The following ARHGAP18 variants were observed in gnomAD, a reference collection of about 807,000 sequenced individuals.
ARHGAP18 encodes Rho GTPase activating protein 18, also known as rho GTPase-activating protein 18.
Under a neutral mutation model 86.2 loss-of-function variants are expected in ARHGAP18, and 67 were observed. The ratio of observed to expected loss-of-function variants is 0.78; its 90% CI spans 0.64 to 0.95. The LOEUF (loss-of-function observed/expected upper bound fraction) is 0.95. Among genes scored for constraint, ARHGAP18 ranks in the 40% least tolerant of loss-of-function variants. The pLI is 0.00. For missense variants in ARHGAP18, 691 were observed against 780.4 expected, an observed-to-expected ratio of 0.89 and a Z score of 1.37; for synonymous variants, 283 against 280.4, an observed-to-expected ratio of 1.01 and a Z score of -0.09.
intron 1 of ARHGAP18, among the ~76,000 whole-genome samples, chr6:129,679,626 C>T (rs1049682176): frequency 2.0e-5 from 3 of 152,194 alleles, no homozygotes; most frequent in Admixed American, 2.0e-4. Context: ...CTAAGCCTGG[C>T]TTGTAGTAAA....
chr6:129,700,815 G>A (rs1254551268), intron 1 of ARHGAP18, among the ~76,000 whole-genome samples: 2 of 152,120 alleles, frequency 1.3e-5, no homozygotes, highest in Non-Finnish European at 2.9e-5. Context: ...AAATAGCCCA[G>A]AGTCACAAGC....
chr6:129,680,309 A>G (rs1412075005), intron 1 of ARHGAP18, among the ~76,000 whole-genome samples: 1 of 152,238 alleles, frequency 6.6e-6, no homozygotes, highest in Admixed American at 6.5e-5. Context: ...GTTCTGCTCC[A>G]AACATATCTG....
rs114556079 is a variant in ARHGAP18 at position 129,600,534 on chromosome 6, T to C, written c.1572+108A>G. The C allele has an allele frequency of 1.9e-3, 1,682 of 887,244 alleles. 20 individuals carry two copies. The African/African-American group carries it at 0.026, about 14-fold the overall frequency. The allele number at this position is 887,244 out of a possible 1,614,324, so 55.0% of individuals were successfully genotyped here. On this transcript the variant is annotated intron_variant, in intron 11 of 14. Coordinates refer to ENST00000368149, the MANE Select transcript of ARHGAP18 (RefSeq NM_033515.3). Reference sequence around the variant, plus strand: ...CTTACCTATATGAATAAAATGTTTTTAATATTTTCTGCACTCACAAATTTT... The same window carrying C: ...CTTACCTATATGAATAAAATGTTTTCAATATTTTCTGCACTCACAAATTTT...
intron 8 of ARHGAP18, among the ~76,000 whole-genome samples, chr6:129,610,314 T>C (rs1416871675): frequency 6.6e-6 from 1 of 152,190 alleles, no homozygotes; most frequent in Admixed American, 6.5e-5. Context: ...ATGCATTCAT[T>C]GGAAGCTTTA....
intron 3 of ARHGAP18, among the ~76,000 whole-genome samples, chr6:129,637,265 A>G (rs796961132): frequency 7.2e-5 from 11 of 152,114 alleles, no homozygotes; most frequent in African/African-American, 2.7e-4. Flanking sequence ...GGGTTTTGCT[A>G]TGTTGCCCAG....
chr6:129,639,372 T>G (rs1773398998), intron 2 of ARHGAP18, among the ~76,000 whole-genome samples: 1 of 152,170 alleles, frequency 6.6e-6, no homozygotes, highest in Non-Finnish European at 1.5e-5. Flanking sequence ...ATCATATTTA[T>G]AGAGGAAAAT....
At chr6:129,615,372 T>C (rs1334063259) in intron 7 of ARHGAP18, among the ~76,000 whole-genome samples, 1 of 152,044 alleles carries the variant, frequency 6.6e-6, no homozygotes, top group Admixed American at 6.6e-5. Flanking sequence ...TTGAATGTAG[T>C]GGTAGATATG....
intron 1 of ARHGAP18, among the ~76,000 whole-genome samples, chr6:129,680,851 T>C (rs1312240391): frequency 6.6e-6 from 1 of 152,226 alleles, no homozygotes; most frequent in African/African-American, 2.4e-5. Flanking sequence ...TGTATGGACC[T>C]CAGGGCTCCA....
rs1395625559 is a variant in ARHGAP18, at chr6:129,600,633, T to C, written c.1572+9A>G. Reference sequence around the variant, plus strand: ...ACTACTAAGACCAAAGCATATGATATATACTTACTGTCCACAGAAGTTTTT... The same window carrying C: ...ACTACTAAGACCAAAGCATATGATACATACTTACTGTCCACAGAAGTTTTT... On this transcript the variant is annotated intron_variant, in intron 11 of 14. Transcript: ENST00000368149. 5 of 1,610,168 alleles carry C rather than the reference T, an allele frequency of 3.1e-6. No homozygotes were observed. The highest frequency in any genetic ancestry group is 3.4e-6 in the Non-Finnish European group (4 of 1,176,990).
In ARHGAP18 at chr6:129,625,404, T is replaced by TTATGTATTATATATAA. The variant is rs1789376462; in HGVS notation, c.786+3948_786+3949insTTATATATAATACATA. On this transcript the variant is annotated intron_variant, in intron 5 of 14. Transcript: ENST00000368149. Reference sequence around the variant, plus strand: ...TATATTATATATTTATACATATGTATTATATATTATATATAATATATATTA... The same window carrying TTATGTATTATATATAA: ...TATATTATATATTTATACATATGTATTATGTATTATATATAATATATATTATATATAATATATATTA... 2.1e-4 allele frequency among the ~76,000 whole-genome samples: 10 copies of TTATGTATTATATATAA among 47,516 alleles called. 1 individual carries two copies. Among genetic ancestry groups the TTATGTATTATATATAA allele is most frequent in the Non-Finnish European group, 2.4e-4 (7 of 29,666 alleles). The allele number at this position is 47,516 out of a possible 152,430, so 31.2% of individuals were successfully genotyped here. A position where few individuals can be genotyped will look rare whatever the true frequency, so the allele number is the denominator to read the frequency against.
chr6:129,651,557 G>A (rs1484890401), intron 1 of ARHGAP18, among the ~76,000 whole-genome samples: 1 of 152,090 alleles, frequency 6.6e-6, no homozygotes. Context: ...CACCAGTGAT[G>A]GGTGGAATTT....
chr6:129,685,819 A>T (rs979231754), intron 1 of ARHGAP18, among the ~76,000 whole-genome samples: 5 of 152,138 alleles, frequency 3.3e-5, no homozygotes, highest in African/African-American at 1.2e-4. Context: ...AATTTAGTTA[A>T]TACTTGAGTT....
In ARHGAP18 at chr6:129,616,263, T is replaced by C; in HGVS notation, c.993A>G (p.Glu331=). Reference sequence around the variant, plus strand: ...TTCCTGGTACTTTCCTCTGATCTTGTTCTAATAGCGCTGTCAATGGAACGC... The same window carrying C: ...TTCCTGGTACTTTCCTCTGATCTTGCTCTAATAGCGCTGTCAATGGAACGC... ...LFCVPLTALL[E]QDQRKVPGMR... The change falls in exon 7 of 15, where the codon GAA becomes GAG. Residue 331 remains glutamate (E), a synonymous_variant. Coordinates refer to ENST00000368149, the MANE Select transcript of ARHGAP18 (RefSeq NM_033515.3). The C allele has an allele frequency of 6.2e-7, 1 of 1,611,566 alleles. No individual in the cohort carries two copies. Among genetic ancestry groups the C allele is most frequent in the Non-Finnish European group, 8.5e-7 (1 of 1,178,646 alleles).
Position 129,625,359 on chromosome 6 carries a change from A to ATATATATTTATATATATTATATAT in ARHGAP18, c.786+3993_786+3994insATATATAATATATATAAATATATA, listed in dbSNP as rs1562697042. 1.7e-3 allele frequency among the ~76,000 whole-genome samples: 108 copies of ATATATATTTATATATATTATATAT among 64,482 alleles called. 33 individuals carry two copies. Among genetic ancestry groups the ATATATATTTATATATATTATATAT allele is most frequent in the African/African-American group, 9.7e-3 (103 of 10,632 alleles). 42.3% of individuals were successfully genotyped at this position (64,482 alleles called of 152,430 possible). A position where few individuals can be genotyped will look rare whatever the true frequency, so the allele number is the denominator to read the frequency against. On this transcript the variant is annotated intron_variant, in intron 5 of 14. Transcript: ENST00000368149. ...TATATATTTATATGTAATATATATT[A>ATATATATTTATATATATTATATAT]TGTATATTTATATATATTATATATT...
intron 1 of ARHGAP18, among the ~76,000 whole-genome samples, chr6:129,643,651 A>AT (rs1773515834): frequency 6.6e-6 from 1 of 151,824 alleles, no homozygotes; most frequent in African/African-American, 2.4e-5. Context: ...TGCTATTCTA[A>AT]TTTTCAGATT....
At chr6:129,615,271 A>C (rs372313322) in intron 7 of ARHGAP18, among the ~76,000 whole-genome samples, 11 of 152,322 alleles carry the variant, frequency 7.2e-5, no homozygotes, top group East Asian at 3.9e-4. Flanking sequence ...CTCCATAGAT[A>C]CATGTTCTGC....
In ARHGAP18 at chr6:129,588,690, G is replaced by A. The variant is rs540600251; in HGVS notation, c.1714-4578C>T. ...GCTCCACTAGGCAGTGTCCCAGTGG[G>A]GACTCTGTGTGGGGGCTCCAACCCC... On this transcript the variant is annotated intron_variant, in intron 12 of 14. Coordinates refer to ENST00000368149, the MANE Select transcript of ARHGAP18 (RefSeq NM_033515.3). Among the ~76,000 whole-genome samples, 3 of 152,312 alleles carry A rather than the reference G, an allele frequency of 2.0e-5. No individual in the cohort carries two copies. The East Asian group carries it at 5.8e-4, about 29-fold the overall frequency.
Position 129,678,594 on chromosome 6 carries a change from G to T in ARHGAP18, c.113+31430C>A, listed in dbSNP as rs747539493. Among the ~76,000 whole-genome samples the T allele has an allele frequency of 2.3e-4, 35 of 152,196 alleles. 1 individual carries two copies. Among genetic ancestry groups the T allele is most frequent in the Admixed American group, 2.0e-4 (3 of 15,270 alleles). ...TTTGGTGTGATAATGGTACAGTGCA[G>T]TGGTTCTCAAACTTGCCTGCACATT... On this transcript the variant is annotated intron_variant, in intron 1 of 14. Coordinates refer to ENST00000368149, the MANE Select transcript of ARHGAP18 (RefSeq NM_033515.3).
At chr6:129,596,877 T>G (rs1468746536) in intron 12 of ARHGAP18, 1 of 152,188 alleles carries the variant, frequency 6.6e-6, no homozygotes, top group African/African-American at 2.4e-5. Context: ...GCAGGCCTCT[T>G]ACTGCCAGAA....
Sources: gnomAD v4.1 joint callset for allele counts (sites outside exome capture counted in the v4.1 genomes callset) on GRCh38, gnomAD v4.1.1 for gene constraint, MANE v1.5 for transcripts, NCBI Gene and HGNC (gene_info 2026-07-23, HGNC 2026-07-21) for gene names.